DYSF: variants seen among roughly 807,000 people sequenced by gnomAD.
The protein encoded by DYSF is dysferlin, also known as dystrophy-associated fer-1-like 1.
A neutral mutation model predicts 274.9 loss-of-function variants in DYSF; 212 were observed. The observed-to-expected ratio is 0.77, with a 90% CI of 0.69 to 0.86. DYSF has a LOEUF of 0.86. Among genes scored for constraint, DYSF ranks in the 40% least tolerant of loss-of-function variants. DYSF has a pLI of 0.00. For missense variants in DYSF, 2,666 were observed against 2,783.2 expected (o/e 0.96, Z 0.95); for synonymous variants, 1,091 against 1,078.7 (o/e 1.01, Z -0.22).
chr2:71,519,970 C>A (rs1395882306), intron 10 of DYSF, among the ~76,000 whole-genome samples: 2 of 151,898 alleles, frequency 1.3e-5, no homozygotes, highest in African/African-American at 4.8e-5. Context: ...GCCTCCTTTC[C>A]TCTTTCTTTT....
At chr2:71,552,453 C>T (rs1304201356) in intron 19 of DYSF, among the ~76,000 whole-genome samples, 1 of 152,216 alleles carries the variant, frequency 6.6e-6, no homozygotes, top group Non-Finnish European at 1.5e-5. Flanking sequence ...TTGTCTGACC[C>T]CTCTTCTCTC....
chr2:71,583,833 A>G (rs2092975385), intron 30 of DYSF, among the ~76,000 whole-genome samples: 1 of 152,282 alleles, frequency 6.6e-6, no homozygotes, highest in Middle Eastern at 3.4e-3. Context: ...GTCCTTGGAT[A>G]TTAGTCCTTG....
intron 22 of DYSF, 59 bp downstream of exon 22, chr2:71,556,130 G>C: frequency 7.2e-7 from 1 of 1,397,968 alleles, no homozygotes; most frequent in Non-Finnish European, 9.9e-7. Flanking sequence ...GGCCTGTTTC[G>C]CTGGGAGTGC....
intron 52 of DYSF, among the ~76,000 whole-genome samples, chr2:71,677,959 A>G (rs1289806312): frequency 1.3e-5 from 2 of 152,240 alleles, no homozygotes; most frequent in African/African-American, 4.8e-5. Context: ...CCATCAACAG[A>G]TGAATGAATG....
At chr2:71,462,019 G>C (rs1261341182), upstream of DYSF, among the ~76,000 whole-genome samples, 2 of 152,194 alleles carry the variant, frequency 1.3e-5, no homozygotes, top group Admixed American at 1.3e-4. Flanking sequence ...GATCCTAAGG[G>C]TGTTGCTTTT....
chr2:71,668,775 G>A lies in DYSF; in HGVS notation c.5479G>A (p.Asp1827Asn), dbSNP rs1046379344. ...IEQGKLQMWV[D>N]LFPKALGRPG... The stretch of plus-strand genomic sequence containing the variant: ...GCAGGGGAAGCTGCAGATGTGGGTC[G>A]ACCTATTTCCGAAGGCCCTGGGGCG... Residue 1827 changes from aspartate (D) to asparagine (N), a missense_variant, in exon 49 of 56, where the codon GAC (aspartate) becomes AAC (asparagine). Physicochemically the swap from Asp to Asn is conservative, Grantham distance 23. Transcript: ENST00000410020. 3.1e-6 allele frequency: 5 copies of A among 1,613,696 alleles called. No homozygotes were observed. The highest frequency in any genetic ancestry group is 1.7e-5 in the Admixed American group (1 of 59,998).
rs974328236 is a variant in DYSF at position 71,561,962 on chromosome 2, T to C, written c.2409+18T>C. On this transcript the variant is annotated intron_variant, in intron 23 of 55. Transcript: ENST00000410020. ...CAGAGGAGGTAATTAAGCCTGGGGG[T>C]GCCTTTCTTCTTCTGCTCTCCTGCT... 6.2e-7 allele frequency: 1 copy of C among 1,610,690 alleles called. No individual in the cohort carries two copies. Among genetic ancestry groups the C allele is most frequent in the Non-Finnish European group, 8.5e-7 (1 of 1,178,936 alleles).
At chr2:71,487,537 C>T (rs1020731803) in intron 3 of DYSF, among the ~76,000 whole-genome samples, 1 of 152,186 alleles carries the variant, frequency 6.6e-6, no homozygotes, top group African/African-American at 2.4e-5. Flanking sequence ...TAGGCAGAGT[C>T]TCGCTCTGTC....
intron 16 of DYSF, among the ~76,000 whole-genome samples, chr2:71,538,005 G>C (rs10170495): frequency 0.65 from 98,606 of 152,154 alleles, 32,725 homozygotes; most frequent in Middle Eastern, 0.76. Context: ...GGTTTTGACC[G>C]CAGGTCTAGC....
chr2:71,574,231 G>C lies in DYSF; in HGVS notation c.3262G>C (p.Glu1088Gln), dbSNP rs1403332682. The C allele has an allele frequency of 6.2e-7, 1 of 1,613,848 alleles. No homozygotes were observed. Among genetic ancestry groups the C allele is most frequent in the African/African-American group, 1.3e-5 (1 of 75,068 alleles). The change falls in exon 30 of 56, where the codon GAG becomes CAG. Residue 1088 changes from glutamate to glutamine, a missense_variant. By Grantham distance (29) the Glu-to-Gln change is conservative. Transcript: ENST00000410020. The part of the protein sequence containing the change: ...RQAEAEGEGW[E>Q]YASLFGWKFH... The stretch of plus-strand genomic sequence containing the variant: ...GGCGGAGGCGGAGGGCGAGGGCTGG[G>C]AGTACGCCTCTCTTTTTGGCTGGAA...
intron 16 of DYSF, among the ~76,000 whole-genome samples, chr2:71,536,712 G>A (rs2152763158): frequency 6.6e-6 from 1 of 152,304 alleles, no homozygotes; most frequent in Non-Finnish European, 1.5e-5. Context: ...GGTTGAAGTG[G>A]CATTTTTATT....
At chr2:71,533,774 G>A (rs1255136362) in intron 14 of DYSF, among the ~76,000 whole-genome samples, 1 of 152,214 alleles carries the variant, frequency 6.6e-6, no homozygotes, top group Non-Finnish European at 1.5e-5. Flanking sequence ...GCCAACAGTG[G>A]TCTATCAGAC....
intron 3 of DYSF, among the ~76,000 whole-genome samples, chr2:71,487,320 C>T (rs1397693443): frequency 6.6e-6 from 1 of 152,256 alleles, no homozygotes; most frequent in Middle Eastern, 3.4e-3. Context: ...TGTTTCCAAC[C>T]TGGCTGCATC....
chr2:71,501,214 A>G (rs2084935605), intron 3 of DYSF, among the ~76,000 whole-genome samples: 3 of 152,156 alleles, frequency 2.0e-5, no homozygotes. Flanking sequence ...ATTGAATATT[A>G]GTGAATATCT....
At chr2:71,588,355 G>A (rs557902061) in intron 30 of DYSF, among the ~76,000 whole-genome samples, 2 of 152,318 alleles carry the variant, frequency 1.3e-5, no homozygotes, top group South Asian at 4.1e-4. Context: ...GAGAACAGGT[G>A]TCTAGGGAGG....
intron 17 of DYSF, among the ~76,000 whole-genome samples, chr2:71,549,700 G>T (rs984088930): frequency 6.6e-6 from 1 of 152,050 alleles, no homozygotes. Context: ...GCAGGCATGG[G>T]GGTCTGGAGT....
chr2:71,612,490 G>A (rs772849220), intron 38 of DYSF, 151 bp from the exon 39 acceptor site: 39 of 1,197,866 alleles, frequency 3.3e-5, no homozygotes, highest in Admixed American at 6.5e-5. Flanking sequence ...GTGTGGCTTC[G>A]CTCGACTGCC....
chr2:71,527,663 GTTAT>G (rs1160885613), intron 13 of DYSF, among the ~76,000 whole-genome samples: 11 of 152,250 alleles, frequency 7.2e-5, no homozygotes, highest in Admixed American at 5.2e-4. Flanking sequence ...TATTCATGTA[GTTAT>G]TAGCTAGCGT....
intron 36 of DYSF, among the ~76,000 whole-genome samples, chr2:71,608,215 G>A (rs2093680260): frequency 1.3e-5 from 2 of 152,032 alleles, no homozygotes; most frequent in Non-Finnish European, 2.9e-5. Flanking sequence ...GGTAGTGGAT[G>A]GAGACAGGAT....
Sources: allele counts gnomAD v4.1 joint callset (sites outside exome capture counted in the v4.1 genomes callset), GRCh38; gene constraint gnomAD v4.1.1; transcripts MANE v1.5; gene names NCBI Gene and HGNC (gene_info 2026-07-23, HGNC 2026-07-21).